Variants in MARCHF1 observed in about 807,000 individuals in gnomAD.
MARCHF1 encodes membrane associated ring-CH-type finger 1.
MARCHF1 carries 40 observed loss-of-function variants against 54.2 expected under a neutral mutation model. The observed-to-expected ratio is 0.74, with a 90% CI of 0.57 to 0.96. The LOEUF is 0.96. MARCHF1 is among the 40% of genes least tolerant of loss of function. MARCHF1 has a pLI of 0.00. For synonymous variants in MARCHF1, 236 were observed against 236.3 expected (o/e 1.00, Z 0.01); for missense variants, 586 against 656.5 (o/e 0.89, Z 1.17).
At chr4:164,368,784 A>G (rs1451272088) in intron 1 of MARCHF1, among the ~76,000 whole-genome samples, 1 of 152,226 alleles carries the variant, frequency 6.6e-6, no homozygotes, top group East Asian at 1.9e-4. Flanking sequence ...TTCCACAGTA[A>G]GGAGAAAAAG....
At chr4:163,864,193 AG>A (rs1388055335) in intron 3 of MARCHF1, among the ~76,000 whole-genome samples, 2 of 152,084 alleles carry the variant, frequency 1.3e-5, no homozygotes, top group Non-Finnish European at 2.9e-5. Context: ...ATAACTTTAT[AG>A]TAGAGAAACC....
chr4:164,122,241 A>G (rs943651853), intron 1 of MARCHF1, among the ~76,000 whole-genome samples: 6 of 152,130 alleles, frequency 3.9e-5, no homozygotes, highest in Non-Finnish European at 7.4e-5. Flanking sequence ...GTTAAGAAAC[A>G]TTTACTTAGC....
At chr4:164,243,554 G>A (rs1579653513) in intron 1 of MARCHF1, among the ~76,000 whole-genome samples, 1 of 151,384 alleles carries the variant, frequency 6.6e-6, no homozygotes, top group African/African-American at 2.4e-5. Context: ...ATCAACTAAC[G>A]AGCAAAATAA....
chr4:164,213,258 G>A (rs952984287), intron 1 of MARCHF1, among the ~76,000 whole-genome samples: 1 of 146,316 alleles, frequency 6.8e-6, no homozygotes, highest in Admixed American at 6.8e-5. Context: ...ATTTGAGATG[G>A]AGTCTCACTC....
intron 5 of MARCHF1, among the ~76,000 whole-genome samples, chr4:163,663,376 C>T (rs187665057): frequency 6.6e-6 from 1 of 152,070 alleles, no homozygotes; most frequent in African/African-American, 2.4e-5. Context: ...AGCTCTCAGG[C>T]CAATTTCTCT....
In MARCHF1 at chr4:163,931,935, T is replaced by C. The variant is rs544518420; in HGVS notation, c.-39+56566A>G. ...ATAAAGGCACAGCATGGAGATATTT[T>C]GAGTTCAGTTCCAGGCCATAACAAT... is the stretch of plus-strand genomic sequence containing the variant. On this transcript the variant is annotated intron_variant, in intron 3 of 9. Transcript: ENST00000514618. Among the ~76,000 whole-genome samples, 3 of 152,330 alleles carry C rather than the reference T, an allele frequency of 2.0e-5. No homozygotes were observed. In the East Asian group the frequency reaches 5.8e-4, roughly 29 times the overall value.
intron 1 of MARCHF1, among the ~76,000 whole-genome samples, chr4:164,244,409 C>G (rs1017947381): frequency 8.6e-5 from 13 of 151,508 alleles, no homozygotes; most frequent in African/African-American, 2.7e-4. Context: ...CTGAAACCAA[C>G]GAGAACAAAG....
At chr4:163,922,464 A>AT (rs60947857) in intron 3 of MARCHF1, among the ~76,000 whole-genome samples, 2,886 of 152,288 alleles carry the variant, frequency 0.019, 76 homozygotes, top group African/African-American at 0.066. Context: ...AGTGAGTCAC[A>AT]TAGGCCTGTT....
intron 4 of MARCHF1, among the ~76,000 whole-genome samples, chr4:163,741,193 G>A (rs1746184954): frequency 1.3e-5 from 2 of 152,058 alleles, no homozygotes; most frequent in African/African-American, 4.8e-5. Context: ...TAAAATTAGG[G>A]GGCTAAATTT....
chr4:163,946,689 C>A (rs2110768881), intron 3 of MARCHF1, among the ~76,000 whole-genome samples: 1 of 152,286 alleles, frequency 6.6e-6, no homozygotes, highest in East Asian at 1.9e-4. Context: ...TTATGCTGAG[C>A]ACAAGTGAAC....
intron 1 of MARCHF1, among the ~76,000 whole-genome samples, chr4:164,174,684 G>C (rs539785801): frequency 6.6e-6 from 1 of 151,926 alleles, no homozygotes; most frequent in East Asian, 1.9e-4. Flanking sequence ...AAGGTGCAAG[G>C]GAACGTAATC....
chr4:164,128,095 A>C (rs1368779153), intron 1 of MARCHF1, among the ~76,000 whole-genome samples: 1 of 152,208 alleles, frequency 6.6e-6, no homozygotes, highest in African/African-American at 2.4e-5. Context: ...ATAAATGTGT[A>C]GCTATTTGGA....
chr4:164,017,932 G>A (rs933691212), intron 2 of MARCHF1, among the ~76,000 whole-genome samples: 4 of 151,488 alleles, frequency 2.6e-5, no homozygotes, highest in Admixed American at 1.3e-4. Context: ...AAAACTTTGT[G>A]GTGTAGGTAT....
At chr4:163,924,183 T>C (rs1751490792) in intron 3 of MARCHF1, among the ~76,000 whole-genome samples, 1 of 152,070 alleles carries the variant, frequency 6.6e-6, no homozygotes, top group Non-Finnish European at 1.5e-5. Context: ...GGAAAATTAC[T>C]TAATGCTGCA....
chr4:164,275,605 T>C (rs1733860074), intron 1 of MARCHF1, among the ~76,000 whole-genome samples: 1 of 152,236 alleles, frequency 6.6e-6, no homozygotes, highest in Admixed American at 6.5e-5. Context: ...TTGATTAAAT[T>C]CCATTCAGGT....
intron 1 of MARCHF1, among the ~76,000 whole-genome samples, chr4:164,238,309 T>A (rs1485578563): frequency 6.6e-6 from 1 of 151,704 alleles, no homozygotes; most frequent in Non-Finnish European, 1.5e-5. Flanking sequence ...ACAAAGAGAG[T>A]CTACAGAGAA....
At chr4:163,545,505 T>C in intron 9 of MARCHF1, 91 bp downstream of exon 9, 1 of 1,258,828 alleles carries the variant, frequency 7.9e-7, no homozygotes, top group Non-Finnish European at 1.1e-6. Flanking sequence ...TCATACATGA[T>C]GAAGGCCTAA....
intron 5 of MARCHF1, among the ~76,000 whole-genome samples, chr4:163,664,292 A>G (rs1390699233): frequency 6.6e-6 from 1 of 152,102 alleles, no homozygotes; most frequent in Non-Finnish European, 1.5e-5. Context: ...AGATGTATAC[A>G]GAAGATCAAG....
rs541484068 is a variant in MARCHF1 at position 163,832,766 on chromosome 4, T to A, written c.111+21255A>T. ...CCCCCAACCCCACAACAGTCTCCAGTGTGTGATGTTCCCCTTCCTGTGTCC... is the reference window on the plus strand; with the variant it reads ...CCCCCAACCCCACAACAGTCTCCAGAGTGTGATGTTCCCCTTCCTGTGTCC... On this transcript the variant is annotated intron_variant, in intron 4 of 9. Coordinates refer to ENST00000514618, the MANE Select transcript of MARCHF1 (RefSeq NM_001394959.1). 2.0e-3 allele frequency among the ~76,000 whole-genome samples: 243 copies of A among 121,310 alleles called. 2 individuals are homozygous for A. The highest frequency in any genetic ancestry group is 7.2e-3 in the African/African-American group (234 of 32,696). 79.6% of individuals were successfully genotyped at this position (121,310 alleles called of 152,430 possible).
Sources: gnomAD v4.1 joint callset for allele counts (sites outside exome capture counted in the v4.1 genomes callset) on GRCh38, gnomAD v4.1.1 for gene constraint, MANE v1.5 for transcripts, NCBI Gene and HGNC (gene_info 2026-07-23, HGNC 2026-07-21) for gene names.